Variants in NUP93 observed in about 807,000 individuals in gnomAD.
NUP93 encodes the protein nucleoporin 93, also known as nuclear pore complex protein Nup93.
A neutral mutation model predicts 107.8 loss-of-function variants in NUP93; 55 were observed. The ratio of observed to expected loss-of-function variants is 0.51; its 90% confidence interval spans 0.41 to 0.64. The LOEUF is 0.64. NUP93 is among the 30% of genes least tolerant of loss of function. The pLI, the probability that NUP93 is intolerant of heterozygous loss-of-function variation, is 0.00. For missense variants in NUP93, 937 were observed against 1,044.7 expected, an observed-to-expected ratio of 0.90 and a Z score of 1.42; for synonymous variants, 390 against 397.5, an observed-to-expected ratio of 0.98 and a Z score of 0.22.
rs1227643625 is a variant in NUP93 at position 56,818,736 on chromosome 16, C to G, written c.562C>G (p.Gln188Glu). 2.5e-6 allele frequency: 4 copies of G among 1,613,290 alleles called. No homozygotes were observed. Among genetic ancestry groups the G allele is most frequent in the Non-Finnish European group, 2.5e-6 (3 of 1,179,412 alleles). Residue 188 changes from glutamine (Q) to glutamate (E), a missense_variant and splice_region_variant, in exon 6 of 22, where the codon CAA (glutamine) becomes GAA (glutamate). Coordinates refer to ENST00000308159, the MANE Select transcript of NUP93 (RefSeq NM_014669.5). Reference sequence around the variant, plus strand: ...TAACATCGAGATGGCCTATGCGCGGCAAGTGAGTGTGATTTTAAGGGGGAT... The same window carrying G: ...TAACATCGAGATGGCCTATGCGCGGGAAGTGAGTGTGATTTTAAGGGGGAT... ...LDNIEMAYARQIYIYNEKIVN... is the reference protein window; with the variant it reads ...LDNIEMAYAREIYIYNEKIVN...
rs1207742203 is a variant in NUP93 at position 56,847,036 on chromosome 16, C to T, written c.*2427C>T. The T allele has an allele frequency of 6.6e-6, 1 of 152,226 alleles. No homozygotes were observed. Among genetic ancestry groups the T allele is most frequent in the Non-Finnish European group, 1.5e-5 (1 of 68,056 alleles). 9.4% of individuals were successfully genotyped at this position (152,226 alleles called of 1,614,324 possible). ...AGAAGCAGCCAGACCTTGAGCTGCT[C>T]TGCTAGGGGAGCTGTGAGTTGGGAG... is the stretch of plus-strand genomic sequence containing the variant. On this transcript the variant is annotated 3_prime_UTR_variant, in exon 22 of 22. Transcript: ENST00000308159.
chr16:56,831,705 G>A (rs1031925349), intron 10 of NUP93, 137 bp from the exon 11 acceptor site: 1 of 806,196 alleles, frequency 1.2e-6, no homozygotes, highest in Non-Finnish European at 2.0e-6. Flanking sequence ...GAGGGGATGG[G>A]GCAGAGACAG....
intron 3 of NUP93, among the ~76,000 whole-genome samples, chr16:56,793,150 G>T (rs917005003): frequency 2.9e-4 from 44 of 152,286 alleles, no homozygotes; most frequent in African/African-American, 9.6e-4. Context: ...GTTATAGAAA[G>T]CTGGAAACCA....
chr16:56,733,537 G>T (rs577800398), intron 1 of NUP93, among the ~76,000 whole-genome samples: 1 of 152,268 alleles, frequency 6.6e-6, no homozygotes, highest in East Asian at 1.9e-4. Context: ...AAAAGAGACT[G>T]GGAACCCACG....
chr16:56,791,773 G>A (rs767599614), intron 3 of NUP93, among the ~76,000 whole-genome samples: 2 of 152,200 alleles, frequency 1.3e-5, no homozygotes, highest in Non-Finnish European at 2.9e-5. Flanking sequence ...GCAAAGCAGC[G>A]AAGCACTTTC....
In NUP93 at chr16:56,735,823, C is replaced by T. The variant is rs577384329; in HGVS notation, c.-15+5612C>T. On this transcript the variant is annotated intron_variant, in intron 1 of 21. Transcript: ENST00000308159. Reference sequence around the variant, plus strand: ...AGCCTGGGGGACAAAAGTGAAACTCCGTCTCAAAAAAAAAAAAAAAGGAAG... The same window carrying T: ...AGCCTGGGGGACAAAAGTGAAACTCTGTCTCAAAAAAAAAAAAAAAGGAAG... 2.1e-4 allele frequency among the ~76,000 whole-genome samples: 27 copies of T among 126,256 alleles called. No homozygotes were observed. The South Asian group carries it at 5.1e-3, about 24-fold the overall frequency. 82.8% of individuals were successfully genotyped at this position (126,256 alleles called of 152,430 possible).
chr16:56,757,419 C>A lies in NUP93; in HGVS notation c.180-1119C>A, dbSNP rs58505976. On this transcript the variant is annotated intron_variant, in intron 2 of 21. Transcript: ENST00000308159. ...CGCTTGGCCAGGAGTTTGAGACCAGCCTGGGCAACAGAGCAAGACCCTGTC... is the reference window on the plus strand; with the variant it reads ...CGCTTGGCCAGGAGTTTGAGACCAGACTGGGCAACAGAGCAAGACCCTGTC... Among the ~76,000 whole-genome samples, 985 of 152,154 alleles carry A rather than the reference C, an allele frequency of 6.5e-3. 18 individuals are homozygous for A. Among genetic ancestry groups the A allele is most frequent in the African/African-American group, 0.023 (957 of 41,508 alleles).
chr16:56,776,202 C>A (rs1400447041), intron 3 of NUP93, among the ~76,000 whole-genome samples: 1 of 151,040 alleles, frequency 6.6e-6, no homozygotes, highest in African/African-American at 2.4e-5. Context: ...AAAATTATAA[C>A]CTGATAATGA....
At chr16:56,734,742 G>A (rs1961585171) in intron 1 of NUP93, among the ~76,000 whole-genome samples, 1 of 152,162 alleles carries the variant, frequency 6.6e-6, no homozygotes, top group Non-Finnish European at 1.5e-5. Flanking sequence ...CTAATGTAGG[G>A]TATAAGAGGA....
chr16:56,793,652 G>A (rs1005816311), intron 3 of NUP93, among the ~76,000 whole-genome samples: 1 of 152,150 alleles, frequency 6.6e-6, no homozygotes, highest in Non-Finnish European at 1.5e-5. Flanking sequence ...TGGGGGACCT[G>A]GACTGAGGCA....
intron 5 of NUP93, among the ~76,000 whole-genome samples, chr16:56,808,279 AAT>A (rs1345008025): frequency 7.9e-5 from 2 of 25,424 alleles, no homozygotes; most frequent in African/African-American, 2.0e-4. Context: ...AACTATATAA[AAT>A]ATATAGTTAT....
intron 2 of NUP93, among the ~76,000 whole-genome samples, chr16:56,750,504 A>G (rs1182789549): frequency 6.6e-6 from 1 of 152,250 alleles, no homozygotes; most frequent in Non-Finnish European, 1.5e-5. Context: ...ACTGTGTTGA[A>G]TATTTTGTTT....
intron 3 of NUP93, chr16:56,782,655 A>C (rs1047663024): frequency 2.0e-5 from 3 of 152,026 alleles, no homozygotes; most frequent in Non-Finnish European, 4.4e-5. Context: ...AGAGTGAGTG[A>C]GTGCGTGTGT....
chr16:56,776,380 T>G (rs1962417453), intron 3 of NUP93, among the ~76,000 whole-genome samples: 1 of 152,196 alleles, frequency 6.6e-6, no homozygotes, highest in South Asian at 2.1e-4. Flanking sequence ...GTGCAAAAAC[T>G]ATATAAAAAT....
At chr16:56,734,835 T>TGG (rs1426732091) in intron 1 of NUP93, among the ~76,000 whole-genome samples, 1 of 152,228 alleles carries the variant, frequency 6.6e-6, no homozygotes, top group Non-Finnish European at 1.5e-5. Context: ...ATGAGGAAGA[T>TGG]GGGGAAGGTC....
chr16:56,795,707 C>T (rs1419907841), intron 3 of NUP93, among the ~76,000 whole-genome samples: 8 of 151,800 alleles, frequency 5.3e-5, no homozygotes, highest in East Asian at 1.9e-4. Context: ...AGTGCAGTGG[C>T]GTGACCTCAG....
intron 11 of NUP93, 60 bp from the exon 12 acceptor site, chr16:56,832,235 C>G: frequency 7.1e-7 from 1 of 1,408,542 alleles, no homozygotes; most frequent in South Asian, 1.2e-5. Context: ...AGCTACAACT[C>G]TGTGCATGTG....
intron 9 of NUP93, among the ~76,000 whole-genome samples, chr16:56,829,633 G>A (rs1268303179): frequency 6.6e-6 from 1 of 152,174 alleles, no homozygotes; most frequent in African/African-American, 2.4e-5. Context: ...AAGAATAGGA[G>A]TTCACCAACC....
chr16:56,801,480 T>G (rs1170474659), intron 4 of NUP93, among the ~76,000 whole-genome samples: 1 of 151,692 alleles, frequency 6.6e-6, no homozygotes, highest in Non-Finnish European at 1.5e-5. Flanking sequence ...TGGTGTGATC[T>G]CGGCTCACCG....
Sources: allele counts gnomAD v4.1 joint callset (sites outside exome capture counted in the v4.1 genomes callset), GRCh38; gene constraint gnomAD v4.1.1; transcripts MANE v1.5; gene names NCBI Gene and HGNC (gene_info 2026-07-23, HGNC 2026-07-21).